The following SGCZ variants were observed in gnomAD, a reference collection of about 807,000 sequenced individuals.
The protein encoded by SGCZ is zeta-sarcoglycan.
In SGCZ, 40 loss-of-function variants were observed where a neutral mutation model predicts 41.3. That is an observed-to-expected ratio of 0.97 (90% CI 0.75 to 1.26). The LOEUF (loss-of-function observed/expected upper bound fraction) is 1.26. SGCZ is among the 50% of genes most tolerant of loss of function. The probability of loss-of-function intolerance (pLI) is 0.00; values close to 1 mark genes in which losing one functional copy is unlikely to be tolerated. For missense variants in SGCZ, 552 were observed against 369.8 expected, an observed-to-expected ratio of 1.49 and a Z score of -4.04; for synonymous variants, 206 against 137.5, an observed-to-expected ratio of 1.50 and a Z score of -3.49.
At chr8:14,109,547 A>G (rs892840902) in intron 5 of SGCZ, among the ~76,000 whole-genome samples, 5 of 152,278 alleles carry the variant, frequency 3.3e-5, no homozygotes, top group East Asian at 1.9e-4. Flanking sequence ...AAACTATACA[A>G]TGTAATTTAA....
intron 1 of SGCZ, among the ~76,000 whole-genome samples, chr8:14,660,814 A>G (rs911068664): frequency 1.1e-4 from 17 of 152,102 alleles, no homozygotes; most frequent in Non-Finnish European, 1.9e-4. Flanking sequence ...AGAGGAGAGT[A>G]GTCCATATTT....
intron 2 of SGCZ, among the ~76,000 whole-genome samples, chr8:14,331,989 T>A (rs910618710): frequency 1.3e-5 from 2 of 151,910 alleles, no homozygotes; most frequent in Non-Finnish European, 2.9e-5. Flanking sequence ...GTAATATATT[T>A]ATGAATAAAT....
intron 5 of SGCZ, among the ~76,000 whole-genome samples, chr8:14,112,159 G>A (rs1436806541): frequency 9.9e-5 from 15 of 151,826 alleles, no homozygotes; most frequent in Admixed American, 3.3e-4. Context: ...GAAAAAGAAA[G>A]TCAGGCAGGA....
At chr8:14,934,451 G>A (rs1040790535) in intron 1 of SGCZ, among the ~76,000 whole-genome samples, 1 of 151,834 alleles carries the variant, frequency 6.6e-6, no homozygotes, top group African/African-American at 2.4e-5. Context: ...TGAAAAAGTA[G>A]ATTAACAGAA....
chr8:14,810,604 AC>A (rs1274238284), intron 1 of SGCZ, among the ~76,000 whole-genome samples: 1 of 152,044 alleles, frequency 6.6e-6, no homozygotes, highest in Non-Finnish European at 1.5e-5. Flanking sequence ...TACATTATAA[AC>A]TTAAACAACA....
chr8:14,370,000 T>G (rs1803853628), intron 2 of SGCZ, among the ~76,000 whole-genome samples: 1 of 151,970 alleles, frequency 6.6e-6, no homozygotes, highest in South Asian at 2.1e-4. Context: ...ATATCCCACA[T>G]CTGGTTCCTG....
chr8:14,256,903 T>G (rs1038794224), intron 3 of SGCZ, among the ~76,000 whole-genome samples: 5 of 152,204 alleles, frequency 3.3e-5, no homozygotes, highest in Admixed American at 6.5e-5. Flanking sequence ...CCTCTCACCA[T>G]TACGGCCAGA....
At chr8:14,685,080 G>T (rs1808568395) in intron 1 of SGCZ, among the ~76,000 whole-genome samples, 1 of 110,832 alleles carries the variant, frequency 9.0e-6, no homozygotes, top group Non-Finnish European at 1.8e-5. Flanking sequence ...TGTACCATGA[G>T]ATTCATTTAG....
chr8:14,294,939 G>C (rs975596879), intron 3 of SGCZ, among the ~76,000 whole-genome samples: 1 of 152,042 alleles, frequency 6.6e-6, no homozygotes, highest in African/African-American at 2.4e-5. Context: ...GGTATGTGTA[G>C]CAACAAGGAT....
chr8:14,348,013 A>G (rs1802951729), intron 2 of SGCZ, among the ~76,000 whole-genome samples: 1 of 152,066 alleles, frequency 6.6e-6, no homozygotes, highest in Non-Finnish European at 1.5e-5. Flanking sequence ...ACGCTTCTCT[A>G]CATACTTTCT....
intron 1 of SGCZ, among the ~76,000 whole-genome samples, chr8:15,235,454 T>A (rs1045277734): frequency 6.6e-6 from 1 of 152,214 alleles, no homozygotes; most frequent in African/African-American, 2.4e-5. Context: ...GTATCTAACA[T>A]GCCTTCATTT....
intron 1 of SGCZ, among the ~76,000 whole-genome samples, chr8:14,601,024 A>G (rs1361738124): frequency 6.7e-5 from 10 of 150,192 alleles, no homozygotes; most frequent in Admixed American, 6.0e-4. Flanking sequence ...TGTTTTATGC[A>G]TTTTATAATA....
intron 1 of SGCZ, among the ~76,000 whole-genome samples, chr8:14,960,785 A>ACAT (rs1293908174): frequency 6.6e-6 from 1 of 152,088 alleles, no homozygotes; most frequent in African/African-American, 2.4e-5. Flanking sequence ...CATTTCTACT[A>ACAT]CATCAATTAA....
intron 1 of SGCZ, among the ~76,000 whole-genome samples, chr8:15,019,280 G>T (rs544884189): frequency 2.0e-5 from 3 of 152,128 alleles, no homozygotes; most frequent in South Asian, 2.1e-4. Context: ...CAGGTGCAGA[G>T]AAATGGAAGA....
At chr8:14,173,357 G>A (rs1275135582) in intron 4 of SGCZ, among the ~76,000 whole-genome samples, 3 of 151,820 alleles carry the variant, frequency 2.0e-5, no homozygotes, top group African/African-American at 4.8e-5. Flanking sequence ...AAAGGAAGAC[G>A]GACATAATGA....
chr8:14,958,615 T>C (rs916132999), intron 1 of SGCZ, among the ~76,000 whole-genome samples: 1 of 152,058 alleles, frequency 6.6e-6, no homozygotes, highest in Non-Finnish European at 1.5e-5. Context: ...GGTGGTCCAG[T>C]CTACATCTCA....
chr8:14,366,995 C>T (rs901597361), intron 2 of SGCZ, among the ~76,000 whole-genome samples: 3 of 152,046 alleles, frequency 2.0e-5, no homozygotes, highest in Non-Finnish European at 4.4e-5. Context: ...TTAAATTTTC[C>T]CCCAGAAAAT....
At chr8:14,397,441 A>G (rs1185613167) in intron 2 of SGCZ, among the ~76,000 whole-genome samples, 1 of 151,838 alleles carries the variant, frequency 6.6e-6, no homozygotes, top group Non-Finnish European at 1.5e-5. Context: ...CTTTTTTTCT[A>G]TTTTGTGCAT....
chr8:15,030,019 A>T (rs1295369627), intron 1 of SGCZ, among the ~76,000 whole-genome samples: 1 of 152,192 alleles, frequency 6.6e-6, no homozygotes, highest in South Asian at 2.1e-4. Context: ...TTCTCTGTGC[A>T]AGGGACAAAA....
Sources: gnomAD v4.1 joint callset for allele counts (sites outside exome capture counted in the v4.1 genomes callset) on GRCh38, gnomAD v4.1.1 for gene constraint, MANE v1.5 for transcripts, NCBI Gene and HGNC (gene_info 2026-07-23, HGNC 2026-07-21) for gene names.